Variants in SGCD observed in about 807,000 individuals in gnomAD.
SGCD encodes the protein sarcoglycan delta.
A neutral mutation model predicts 36.6 loss-of-function variants in SGCD; 18 were observed. That is an observed-to-expected ratio of 0.49 (90% CI 0.34 to 0.73). SGCD has a LOEUF of 0.73. Ranked by LOEUF, SGCD falls within the 30% of genes least tolerant of loss-of-function variation. The probability of loss-of-function intolerance (pLI) is 0.01; values close to 1 mark genes in which losing one functional copy is unlikely to be tolerated. For synonymous variants in SGCD, 133 were observed against 130.6 expected (o/e 1.02, Z -0.12); for missense variants, 387 against 346.7 (o/e 1.12, Z -0.92).
intron 3 of SGCD, among the ~76,000 whole-genome samples, chr5:156,277,242 G>T (rs531372282): frequency 1.2e-4 from 19 of 152,194 alleles, no homozygotes; most frequent in African/African-American, 4.6e-4. Flanking sequence ...AATTCAAGGA[G>T]GCTCCTTTCC....
At chr5:156,342,715 C>G (rs1408018788) in intron 2 of SGCD, among the ~76,000 whole-genome samples, 1 of 152,324 alleles carries the variant, frequency 6.6e-6, no homozygotes. Context: ...CACTGCCTGG[C>G]TGGGAACCCA....
intron 3 of SGCD, among the ~76,000 whole-genome samples, chr5:156,360,484 G>A (rs1220164957): frequency 6.6e-6 from 1 of 152,110 alleles, no homozygotes; most frequent in Admixed American, 6.5e-5. Context: ...CTGACCTCAG[G>A]TGATCTGCCT....
At chr5:155,807,410 T>C in the SGCD span, among the ~76,000 whole-genome samples, 1 of 152,208 alleles carries the variant, frequency 6.6e-6, no homozygotes, top group Non-Finnish European at 1.5e-5. Flanking sequence ...GAAAAGTAAT[T>C]GGGATTCACT....
At chr5:156,541,624 A>G (rs1758350598) in intron 4 of SGCD, among the ~76,000 whole-genome samples, 3 of 152,134 alleles carry the variant, frequency 2.0e-5, no homozygotes, top group Admixed American at 1.3e-4. Flanking sequence ...ACATGGATGG[A>G]TGGTGATGAA....
chr5:155,755,703 C>A, the SGCD span, among the ~76,000 whole-genome samples: 1,312 of 152,244 alleles, frequency 8.6e-3, 18 homozygotes, highest in African/African-American at 0.029. Context: ...GTTCTTGTAA[C>A]CCTGACAATA....
chr5:155,919,274 G>T (rs1399646205), intron 1 of SGCD, among the ~76,000 whole-genome samples: 1 of 152,192 alleles, frequency 6.6e-6, no homozygotes, highest in East Asian at 1.9e-4. Flanking sequence ...CACATTGCTA[G>T]TACATGATTG....
intron 7 of SGCD, among the ~76,000 whole-genome samples, chr5:156,737,467 A>G (rs1756433370): frequency 6.6e-6 from 1 of 152,222 alleles, no homozygotes; most frequent in Non-Finnish European, 1.5e-5. Flanking sequence ...TTAGGTATAA[A>G]TTTTAGTAAG....
intron 3 of SGCD, among the ~76,000 whole-genome samples, chr5:156,218,241 G>A (rs249878): frequency 0.16 from 24,923 of 152,020 alleles, 2,658 homozygotes; most frequent in Non-Finnish European, 0.22. Context: ...AACAGAGCGA[G>A]ACTCCATCTC....
At chr5:156,403,843 C>T (rs376753891) in intron 3 of SGCD, among the ~76,000 whole-genome samples, 34 of 149,500 alleles carry the variant, frequency 2.3e-4, no homozygotes, top group Non-Finnish European at 4.3e-4. Flanking sequence ...ATTTTTTTTT[C>T]TTTTTTTTTG....
intron 1 of SGCD, among the ~76,000 whole-genome samples, chr5:156,075,377 A>G (rs983520939): frequency 1.3e-5 from 2 of 151,914 alleles, no homozygotes; most frequent in Non-Finnish European, 2.9e-5. Context: ...AACATTTGAC[A>G]TATAAAAAAT....
At chr5:156,042,228 A>G (rs1316587216) in intron 1 of SGCD, among the ~76,000 whole-genome samples, 1 of 151,854 alleles carries the variant, frequency 6.6e-6, no homozygotes, top group East Asian at 1.9e-4. Flanking sequence ...CAGAACCTCC[A>G]CATTTTGAGA....
chr5:156,581,520 C>T (rs1760255893), intron 4 of SGCD, among the ~76,000 whole-genome samples: 1 of 152,180 alleles, frequency 6.6e-6, no homozygotes, highest in Non-Finnish European at 1.5e-5. Context: ...ATACCCTGCC[C>T]CCTGAGTTGG....
chr5:156,281,592 T>A (rs1766454932), intron 3 of SGCD, among the ~76,000 whole-genome samples: 1 of 152,168 alleles, frequency 6.6e-6, no homozygotes, highest in African/African-American at 2.4e-5. Flanking sequence ...ACAAAATAGA[T>A]CTCTCCCTCT....
chr5:156,307,413 A>G lies in SGCD; in HGVS notation c.-43-22121A>G, dbSNP rs148555111. Among the ~76,000 whole-genome samples the G allele has an allele frequency of 6.8e-4, 103 of 152,322 alleles. 1 individual carries two copies. Among genetic ancestry groups the G allele is most frequent in the African/African-American group, 2.2e-3 (93 of 41,576 alleles). On this transcript the variant is annotated intron_variant, in intron 3 of 9. Transcript: ENST00000517913. Reference sequence around the variant, plus strand: ...AAATGTGTAAATCAGACAGCATAACATTAGATCACATATTTAAATCCATTC... The same window carrying G: ...AAATGTGTAAATCAGACAGCATAACGTTAGATCACATATTTAAATCCATTC...
intron 6 of SGCD, among the ~76,000 whole-genome samples, chr5:156,605,202 C>G (rs1230212190): frequency 4.6e-5 from 7 of 152,048 alleles, no homozygotes; most frequent in African/African-American, 1.7e-4. Flanking sequence ...CCTCCCCTCT[C>G]CCCCCACCCA....
At chr5:156,749,954 T>C (rs1360971389) in intron 7 of SGCD, among the ~76,000 whole-genome samples, 2 of 150,566 alleles carry the variant, frequency 1.3e-5, no homozygotes, top group Non-Finnish European at 3.0e-5. Context: ...TGAATACAGA[T>C]GCAAATTACC....
intron 1 of SGCD, among the ~76,000 whole-genome samples, chr5:156,012,825 G>A (rs1007179883): frequency 2.0e-5 from 3 of 151,756 alleles, no homozygotes; most frequent in Non-Finnish European, 4.4e-5. Context: ...TGTTAGCCAG[G>A]ATGGTCTCGA....
intron 1 of SGCD, among the ~76,000 whole-genome samples, chr5:156,093,259 C>A (rs1761288859): frequency 6.6e-6 from 1 of 152,200 alleles, no homozygotes; most frequent in Non-Finnish European, 1.5e-5. Flanking sequence ...CCTGCCCATA[C>A]CACATATGTA....
intron 3 of SGCD, among the ~76,000 whole-genome samples, chr5:156,257,164 A>AAAAT (rs71577192): frequency 0.73 from 108,354 of 147,898 alleles, 39,865 homozygotes; most frequent in East Asian, 0.9. Context: ...CCCTGTCTTC[A>AAAAT]AAATAAATAA....
Sources: gnomAD v4.1 joint callset for allele counts (sites outside exome capture counted in the v4.1 genomes callset) on GRCh38, gnomAD v4.1.1 for gene constraint, MANE v1.5 for transcripts, NCBI Gene and HGNC (gene_info 2026-07-23, HGNC 2026-07-21) for gene names.